LSAMP: variants seen among roughly 807,000 people sequenced by gnomAD.
LSAMP encodes the protein limbic system-associated membrane protein.
LSAMP carries 7 observed loss-of-function variants against 38.6 expected under a neutral mutation model. That is an observed-to-expected ratio of 0.18 (90% CI 0.10 to 0.34). LSAMP has a LOEUF of 0.34. Ranked by LOEUF, LSAMP falls within the 10% of genes least tolerant of loss-of-function variation. The pLI is 1.00. For missense variants in LSAMP, 313 were observed against 420.0 expected, an observed-to-expected ratio of 0.75 and a Z score of 2.23; for synonymous variants, 154 against 166.8, an observed-to-expected ratio of 0.92 and a Z score of 0.59.
chr3:116,186,396 G>C (rs187802353), intron 1 of LSAMP, among the ~76,000 whole-genome samples: 5 of 152,214 alleles, frequency 3.3e-5, no homozygotes, highest in Admixed American at 3.3e-4. Flanking sequence ...TCTCTATCTT[G>C]AGTGATACAG....
At chr3:116,119,870 A>G (rs1708836832) in intron 1 of LSAMP, among the ~76,000 whole-genome samples, 1 of 152,078 alleles carries the variant, frequency 6.6e-6, no homozygotes, top group South Asian at 2.1e-4. Flanking sequence ...CATCTTGGCC[A>G]GGCTGGTCTT....
intron 1 of LSAMP, among the ~76,000 whole-genome samples, chr3:116,424,335 C>A (rs1302923478): frequency 6.6e-6 from 1 of 152,140 alleles, no homozygotes; most frequent in Non-Finnish European, 1.5e-5. Context: ...TGAGGCTGAG[C>A]AAGAGAGAGC....
chr3:116,183,887 G>A (rs1710547913), intron 1 of LSAMP, among the ~76,000 whole-genome samples: 1 of 151,870 alleles, frequency 6.6e-6, no homozygotes, highest in African/African-American at 2.4e-5. Context: ...ATAGGCAAAT[G>A]AGCAGAGGAA....
At chr3:116,202,823 C>T (rs1227996033) in intron 1 of LSAMP, among the ~76,000 whole-genome samples, 1 of 152,202 alleles carries the variant, frequency 6.6e-6, no homozygotes, top group East Asian at 1.9e-4. Flanking sequence ...CCCTAGGATG[C>T]TACCTCCTTG....
chr3:115,969,834 T>C (rs891415916), intron 3 of LSAMP, among the ~76,000 whole-genome samples: 2 of 152,126 alleles, frequency 1.3e-5, no homozygotes, highest in Non-Finnish European at 2.9e-5. Context: ...TGCACACCAG[T>C]TGGGGTCCAA....
At chr3:116,388,241 T>C (rs1323909026) in intron 1 of LSAMP, among the ~76,000 whole-genome samples, 1 of 152,162 alleles carries the variant, frequency 6.6e-6, no homozygotes, top group African/African-American at 2.4e-5. Flanking sequence ...GCAATATGCA[T>C]ACATTGACCC....
intron 1 of LSAMP, among the ~76,000 whole-genome samples, chr3:116,407,235 C>A (rs1376970925): frequency 6.6e-6 from 1 of 151,964 alleles, no homozygotes; most frequent in Non-Finnish European, 1.5e-5. Flanking sequence ...ATACAGGTGT[C>A]TTTCCAAACA....
intron 1 of LSAMP, among the ~76,000 whole-genome samples, chr3:116,300,971 T>A: frequency 6.6e-6 from 1 of 151,924 alleles, no homozygotes; most frequent in South Asian, 2.1e-4. Flanking sequence ...AAAATAAATA[T>A]AATAAATATT....
intron 1 of LSAMP, among the ~76,000 whole-genome samples, chr3:116,169,173 C>T (rs1401502026): frequency 1.3e-5 from 2 of 152,172 alleles, no homozygotes; most frequent in Non-Finnish European, 2.9e-5. Flanking sequence ...CACTCCATTC[C>T]AGCCTGAGTG....
At chr3:116,265,349 C>A (rs2046877836) in intron 1 of LSAMP, among the ~76,000 whole-genome samples, 2 of 152,150 alleles carry the variant, frequency 1.3e-5, no homozygotes, top group African/African-American at 4.8e-5. Flanking sequence ...TACTATTAAG[C>A]TCAATGTGGG....
chr3:116,415,497 C>A (rs1303590241), intron 1 of LSAMP, among the ~76,000 whole-genome samples: 1 of 152,044 alleles, frequency 6.6e-6, no homozygotes, highest in East Asian at 1.9e-4. Context: ...TTCCTTGATG[C>A]TTTTCAACAT....
intron 2 of LSAMP, among the ~76,000 whole-genome samples, chr3:116,059,647 T>C (rs1030710710): frequency 3.3e-5 from 5 of 152,176 alleles, no homozygotes; most frequent in Admixed American, 6.5e-5. Flanking sequence ...GGAGTTTTCA[T>C]AGAAACTTCA....
At chr3:116,250,225 G>A (rs138164442) in intron 1 of LSAMP, among the ~76,000 whole-genome samples, 1 of 152,254 alleles carries the variant, frequency 6.6e-6, no homozygotes, top group East Asian at 1.9e-4. Context: ...TATAATCATT[G>A]TATTGTTATC....
At chr3:116,309,584 C>T (rs2047529371) in intron 1 of LSAMP, among the ~76,000 whole-genome samples, 1 of 152,100 alleles carries the variant, frequency 6.6e-6, no homozygotes, top group Non-Finnish European at 1.5e-5. Context: ...CTTTCACATG[C>T]AATCTAAATA....
intron 1 of LSAMP, among the ~76,000 whole-genome samples, chr3:116,100,655 A>T (rs1354070671): frequency 6.6e-6 from 1 of 152,154 alleles, no homozygotes; most frequent in Non-Finnish European, 1.5e-5. Context: ...TCTGTCTTTC[A>T]TAGTGAACAG....
rs2046972940 is a variant in LSAMP, at chr3:116,271,489, C to G, written c.155+173388G>C. Among the ~76,000 whole-genome samples the G allele has an allele frequency of 2.0e-5, 3 of 152,182 alleles. No homozygotes were observed. In the South Asian group the frequency reaches 6.2e-4, roughly 32 times the overall value. The stretch of plus-strand genomic sequence containing the variant: ...AAGATTGCTAGAACTTGATATAATA[C>G]TCCCAGGTTCTATCACTCCCAGTTA... On this transcript the variant is annotated intron_variant, in intron 1 of 6. Transcript: ENST00000490035.
chr3:115,925,670 G>C (rs1347268496), intron 3 of LSAMP, among the ~76,000 whole-genome samples: 1 of 152,142 alleles, frequency 6.6e-6, no homozygotes, highest in Admixed American at 6.5e-5. Context: ...CATTTTGAAA[G>C]TTCTTTGAAT....
rs556274878 is a variant in LSAMP, at chr3:116,101,437, T to G, written c.156-14881A>C. On this transcript the variant is annotated intron_variant, in intron 1 of 6. Coordinates refer to ENST00000490035, the MANE Select transcript of LSAMP (RefSeq NM_002338.5). ...TCTTTTAAATTGTTTTAAATTGACA[T>G]GTAATAATTGTGCATATTCATTACA... 2.0e-4 allele frequency among the ~76,000 whole-genome samples: 30 copies of G among 152,322 alleles called. No homozygotes were observed. The East Asian group carries it at 3.9e-3, about 20-fold the overall frequency.
intron 1 of LSAMP, among the ~76,000 whole-genome samples, chr3:116,430,220 G>T (rs1365313985): frequency 1.3e-5 from 2 of 152,022 alleles, no homozygotes; most frequent in Non-Finnish European, 2.9e-5. Context: ...TGATATGTTT[G>T]CAAATTCTCC....
Sources: allele counts gnomAD v4.1 joint callset (sites outside exome capture counted in the v4.1 genomes callset), GRCh38; gene constraint gnomAD v4.1.1; transcripts MANE v1.5; gene names NCBI Gene and HGNC (gene_info 2026-07-23, HGNC 2026-07-21).